Variants in RLF observed in about 807,000 individuals in gnomAD.
RLF encodes the protein RLF zinc finger.
In RLF, 7 loss-of-function variants were observed where a neutral mutation model predicts 162.9. That is an observed-to-expected ratio of 0.04 (90% CI 0.02 to 0.08). RLF has a LOEUF of 0.08. Ranked by LOEUF, RLF falls within the 10% of genes least tolerant of loss-of-function variation. The pLI is 1.00. For missense variants in RLF, 1,664 were observed against 2,244.7 expected, an observed-to-expected ratio of 0.74 and a Z score of 5.23; for synonymous variants, 782 against 791.5, an observed-to-expected ratio of 0.99 and a Z score of 0.20.
Position 40,236,498 on chromosome 1 carries a change from C to G in RLF, c.1796C>G (p.Pro599Arg). The G allele has an allele frequency of 6.2e-7, 1 of 1,613,708 alleles. No homozygotes were observed. The change falls in exon 8 of 8, where the codon CCT becomes CGT. Residue 599 changes from proline (P) to arginine (R), a missense_variant. This residue lies in a region of RLF where 31 missense variants were observed against 80.5 expected (regional missense o/e 0.39). Transcript: ENST00000372771. The surrounding 1 kb of genome is among the most constrained non-coding windows in gnomAD (Gnocchi z 7.7). Reference sequence around the variant, plus strand: ...TTTAAGAGAAAAGAAATGTTTGTTCCTCATGTGATGGAGCATGTTAAAATG... The same window carrying G: ...TTTAAGAGAAAAGAAATGTTTGTTCGTCATGTGATGGAGCATGTTAAAATG... ...KKFKRKEMFVPHVMEHVKMPP... is the reference protein window; with the variant it reads ...KKFKRKEMFVRHVMEHVKMPP...
At chr1:40,200,889 C>CAG (rs1642703900) in intron 4 of RLF, among the ~76,000 whole-genome samples, 2 of 104,838 alleles carry the variant, frequency 1.9e-5, no homozygotes, top group Non-Finnish European at 3.8e-5. Context: ...CACACACACA[C>CAG]ACACACACAC....
chr1:40,162,089 C>T (rs765172827), intron 1 of RLF, among the ~76,000 whole-genome samples: 1 of 152,022 alleles, frequency 6.6e-6, no homozygotes, highest in Non-Finnish European at 1.5e-5. Flanking sequence ...GAGTTAACAT[C>T]TTCTGGGCTC....
At chr1:40,165,582 G>A (rs534841014) in intron 1 of RLF, among the ~76,000 whole-genome samples, 1 of 151,726 alleles carries the variant, frequency 6.6e-6, no homozygotes, top group Non-Finnish European at 1.5e-5. Flanking sequence ...GATTTTTTTG[G>A]GGGGACACTG....
intron 6 of RLF, among the ~76,000 whole-genome samples, chr1:40,230,552 C>A (rs1161423135): frequency 6.6e-6 from 1 of 152,130 alleles, no homozygotes; most frequent in Non-Finnish European, 1.5e-5. Flanking sequence ...CTGTTCTCAG[C>A]CTCCCAAGTA....
chr1:40,183,184 C>A (rs1035294648), intron 1 of RLF, among the ~76,000 whole-genome samples: 1 of 152,138 alleles, frequency 6.6e-6, no homozygotes, highest in Non-Finnish European at 1.5e-5. Context: ...GCTGCCCTCT[C>A]CTGGAAGTCT....
Position 40,161,985 on chromosome 1 carries a change from C to T in RLF, c.237+349C>T, listed in dbSNP as rs144474713. On this transcript the variant is annotated intron_variant, in intron 1 of 7. Transcript: ENST00000372771. The surrounding 1 kb of genome is among the most constrained non-coding windows in gnomAD (Gnocchi z 4.4). ...TGATTGCTTGTCCCTGCCGGGAGATCCTTTTTTGAGTGGAGTGCAGATCTC... is the reference window on the plus strand; with the variant it reads ...TGATTGCTTGTCCCTGCCGGGAGATTCTTTTTTGAGTGGAGTGCAGATCTC... Among the ~76,000 whole-genome samples the T allele has an allele frequency of 6.6e-6, 1 of 152,166 alleles. No individual in the cohort carries two copies. Among genetic ancestry groups the T allele is most frequent in the Non-Finnish European group, 1.5e-5 (1 of 68,032 alleles).
chr1:40,225,175 C>G (rs956147404), intron 6 of RLF, among the ~76,000 whole-genome samples: 1 of 151,974 alleles, frequency 6.6e-6, no homozygotes, highest in Non-Finnish European at 1.5e-5. Context: ...AGTTAAAATA[C>G]AATAATAAAA....
chr1:40,174,933 C>G (rs558782881), intron 1 of RLF, among the ~76,000 whole-genome samples: 2 of 152,322 alleles, frequency 1.3e-5, no homozygotes, highest in South Asian at 4.1e-4. Context: ...AGCACAGTGG[C>G]TCACACCTGT....
chr1:40,219,968 C>T lies in RLF; in HGVS notation c.811-2606C>T, dbSNP rs553779619. Among the ~76,000 whole-genome samples, 6 of 152,204 alleles carry T rather than the reference C, an allele frequency of 3.9e-5. No individual in the cohort carries two copies. The South Asian group carries it at 1.2e-3, about 31-fold the overall frequency. ...ATAATAGAAAAACAGAAGTACTGGC[C>T]AGGTGCGGTGGCTCACGCCTGTAAT... On this transcript the variant is annotated intron_variant, in intron 5 of 7. Transcript: ENST00000372771.
In RLF at chr1:40,237,475, G is replaced by A. The variant is rs370163357; in HGVS notation, c.2773G>A (p.Val925Ile). The part of the protein sequence containing the change: ...TLDHSETMQD[V>I]LLSNEKVFGP... ...AGATCACTCTGAAACTATGCAGGAT[G>A]TATTGTTATCTAATGAGAAAGTCTT... Residue 925 changes from valine (V) to isoleucine (I), a missense_variant, in exon 8 of 8, where the codon GTA becomes ATA. By Grantham distance (29) the Val-to-Ile change is conservative. Around this residue, in one of 15 missense-constraint regions of RLF, gnomAD observed 295 missense variants for 317.4 expected, o/e 0.93. Transcript: ENST00000372771. The surrounding 1 kb of genome is among the most constrained non-coding windows in gnomAD (Gnocchi z 4.4). 6 of 1,613,948 alleles carry A rather than the reference G, an allele frequency of 3.7e-6. No homozygotes were observed. Among genetic ancestry groups the A allele is most frequent in the Non-Finnish European group, 5.1e-6 (6 of 1,179,998 alleles).
chr1:40,215,028 G>T (rs1642908547), intron 5 of RLF, among the ~76,000 whole-genome samples: 1 of 148,926 alleles, frequency 6.7e-6, no homozygotes, highest in Non-Finnish European at 1.5e-5. Context: ...AAATTCTGAA[G>T]TCAAAAAGTG....
intron 7 of RLF, among the ~76,000 whole-genome samples, chr1:40,235,522 G>T (rs1643206376): frequency 6.6e-6 from 1 of 152,062 alleles, no homozygotes; most frequent in African/African-American, 2.4e-5. Flanking sequence ...TATTGTTTAT[G>T]CATTCGGGGT....
intron 1 of RLF, among the ~76,000 whole-genome samples, chr1:40,176,382 T>G (rs941708529): frequency 6.6e-6 from 1 of 152,230 alleles, no homozygotes; most frequent in Non-Finnish European, 1.5e-5. Flanking sequence ...TGGCCAGTGT[T>G]TTTCATTTTA....
chr1:40,212,244 C>A (rs1642874143), intron 5 of RLF, among the ~76,000 whole-genome samples: 1 of 152,114 alleles, frequency 6.6e-6, no homozygotes, highest in Admixed American at 6.5e-5. Context: ...CAGACACATA[C>A]AATTAAGATT....
Position 40,182,657 on chromosome 1 carries a change from C to T in RLF, c.238-6398C>T, listed in dbSNP as rs181668988. On this transcript the variant is annotated intron_variant, in intron 1 of 7. Transcript: ENST00000372771. ...GCATAGTTAAATCCTGTGGCAGAAT[C>T]GGTATCTAAAAATAATCTTAGTAGG... 2.5e-3 allele frequency among the ~76,000 whole-genome samples: 374 copies of T among 151,856 alleles called. 3 individuals are homozygous for T. The highest frequency in any genetic ancestry group is 3.7e-3 in the Non-Finnish European group (249 of 67,932).
At position 40,239,868 on chromosome 1, in the gene RLF, G is replaced by A. The variant is rs1271484884; in HGVS notation, c.5166G>A (p.Arg1722=). ...YFTSFQLPLP[R]IKESETRQHS... is the part of the protein sequence containing the mutation. ...CAAGTTTCCAGCTGCCTTTACCAAG[G>A]ATCAAAGAATCAGAAACTAGGCAGC... is the stretch of plus-strand genomic sequence containing the variant. Residue 1722 remains arginine (R), a synonymous_variant, in exon 8 of 8, where the codon AGG becomes AGA. Coordinates refer to ENST00000372771, the MANE Select transcript of RLF (RefSeq NM_012421.4). 6.2e-7 allele frequency: 1 copy of A among 1,613,820 alleles called. No homozygotes were observed.
rs373236752 is a variant in RLF at position 40,168,988 on chromosome 1, C to T, written c.237+7352C>T. Among the ~76,000 whole-genome samples the T allele has an allele frequency of 1.1e-4, 17 of 151,714 alleles. 1 individual carries two copies. Among genetic ancestry groups the T allele is most frequent in the East Asian group, 3.9e-4 (2 of 5,146 alleles). On this transcript the variant is annotated intron_variant, in intron 1 of 7. Coordinates refer to ENST00000372771, the MANE Select transcript of RLF (RefSeq NM_012421.4). ...ATCCTGGGCAACAAGAGCAAAACTCCGTCTCAAAAAAAATAATAATATGTT... is the reference window on the plus strand; with the variant it reads ...ATCCTGGGCAACAAGAGCAAAACTCTGTCTCAAAAAAAATAATAATATGTT...
intron 1 of RLF, among the ~76,000 whole-genome samples, chr1:40,162,973 G>C (rs1642117002): frequency 2.0e-5 from 3 of 152,130 alleles, no homozygotes; most frequent in African/African-American, 4.8e-5. Flanking sequence ...ACTTAGCCTT[G>C]ATGAACTTAC....
intron 3 of RLF, among the ~76,000 whole-genome samples, chr1:40,193,615 T>C (rs1011166328): frequency 2.0e-5 from 3 of 152,204 alleles, no homozygotes; most frequent in Non-Finnish European, 4.4e-5. Flanking sequence ...GAAAGAAGCC[T>C]GAGGACAAGT....
Sources: gnomAD v4.1 joint callset for allele counts (sites outside exome capture counted in the v4.1 genomes callset) on GRCh38, gnomAD v4.1.1 for gene constraint, gnomAD v4.1.1 regional missense constraint, Gnocchi (gnomAD v3.1) non-coding constraint, MANE v1.5 for transcripts, NCBI Gene and HGNC (gene_info 2026-07-23, HGNC 2026-07-21) for gene names.